Variants in PARD3 observed in about 807,000 individuals in gnomAD.
PARD3 encodes par-3 family cell polarity regulator.
Under a neutral mutation model 155.4 loss-of-function variants are expected in PARD3, and 75 were observed. That is an observed-to-expected ratio of 0.48 (90% CI 0.40 to 0.58). The LOEUF (loss-of-function observed/expected upper bound fraction) is 0.58, where lower values mean the gene tolerates loss of function less well. Among genes scored for constraint, PARD3 ranks in the 20% least tolerant of loss-of-function variants. The pLI is 0.00. For missense variants in PARD3, 1,642 were observed against 1,721.7 expected (o/e 0.95, Z 0.82); for synonymous variants, 576 against 610.5 (o/e 0.94, Z 0.83).
chr10:34,726,494 A>C (rs1050726383), intron 1 of PARD3, among the ~76,000 whole-genome samples: 1 of 152,194 alleles, frequency 6.6e-6, no homozygotes, highest in Non-Finnish European at 1.5e-5. Flanking sequence ...GCTGAGGCAG[A>C]ATCGCTCGAG....
chr10:34,543,735 G>A (rs974703097), intron 2 of PARD3, among the ~76,000 whole-genome samples: 109 of 152,290 alleles, frequency 7.2e-4, no homozygotes, highest in Non-Finnish European at 1.3e-4. Flanking sequence ...AAAGAAAAGT[G>A]GGTATGTGCA....
At chr10:34,264,314 C>A (rs11009704) in intron 22 of PARD3, among the ~76,000 whole-genome samples, 5,766 of 152,152 alleles carry the variant, frequency 0.038, 315 homozygotes, top group African/African-American at 0.12. Context: ...GTAGGTGAGG[C>A]GTATTCAATG....
At chr10:34,648,450 C>CT (rs1333946945) in intron 2 of PARD3, among the ~76,000 whole-genome samples, 1 of 152,008 alleles carries the variant, frequency 6.6e-6, no homozygotes, top group African/African-American at 2.4e-5. Flanking sequence ...TGGCCCCCAA[C>CT]TTTTTTTTGG....
intron 5 of PARD3, among the ~76,000 whole-genome samples, chr10:34,403,562 G>A (rs574073010): frequency 6.6e-5 from 10 of 152,286 alleles, no homozygotes; most frequent in Admixed American, 5.9e-4. Context: ...ATGAGAAGTA[G>A]AAACTAAGGG....
intron 3 of PARD3, among the ~76,000 whole-genome samples, chr10:34,497,048 T>C (rs2080342033): frequency 6.6e-6 from 1 of 152,150 alleles, no homozygotes; most frequent in African/African-American, 2.4e-5. Flanking sequence ...GAGCTGATAG[T>C]TGAGCTGTAT....
intron 5 of PARD3, among the ~76,000 whole-genome samples, chr10:34,421,775 T>C (rs889229389): frequency 1.4e-4 from 22 of 152,158 alleles, no homozygotes; most frequent in African/African-American, 4.8e-4. Context: ...CATATTTTAA[T>C]AGGCAGGGAA....
intron 1 of PARD3, among the ~76,000 whole-genome samples, chr10:34,785,948 T>C (rs2134205695): frequency 6.6e-6 from 1 of 152,312 alleles, no homozygotes; most frequent in African/African-American, 2.4e-5. Flanking sequence ...TTGATGTAGT[T>C]ACGTGTCATC....
At chr10:34,787,067 A>G (rs1841059928) in intron 1 of PARD3, among the ~76,000 whole-genome samples, 2 of 152,220 alleles carry the variant, frequency 1.3e-5, no homozygotes, top group African/African-American at 4.8e-5. Flanking sequence ...AAAAATCCCT[A>G]TGAATCTACT....
rs114892237 is a variant in PARD3, at chr10:34,467,084, T to A, written c.582+3001A>T. On this transcript the variant is annotated intron_variant, in intron 4 of 24. Coordinates refer to ENST00000374788, the MANE Select transcript of PARD3 (RefSeq NM_001184785.2). ...GGAAGTAAAAAGATTGCTGAATATT[T>A]AACAATTTTTAAGATAAATATTATA... is the stretch of plus-strand genomic sequence containing the variant. Among the ~76,000 whole-genome samples, 1,313 of 152,196 alleles carry A rather than the reference T, an allele frequency of 8.6e-3. 24 individuals carry two copies. Among genetic ancestry groups the A allele is most frequent in the African/African-American group, 0.03 (1,262 of 41,464 alleles).
intron 7 of PARD3, among the ~76,000 whole-genome samples, chr10:34,396,572 G>A (rs1420862950): frequency 6.6e-6 from 1 of 152,060 alleles, no homozygotes; most frequent in Non-Finnish European, 1.5e-5. Flanking sequence ...CTCTGACTTT[G>A]AAAATCTAAA....
At chr10:34,718,642 C>G (rs973583977) in intron 1 of PARD3, among the ~76,000 whole-genome samples, 1 of 151,800 alleles carries the variant, frequency 6.6e-6, no homozygotes, top group Non-Finnish European at 1.5e-5. Flanking sequence ...CTGGGCAACA[C>G]GACAAGACTC....
At chr10:34,340,923 A>G (rs2384210) in intron 16 of PARD3, among the ~76,000 whole-genome samples, 61,196 of 151,942 alleles carry the variant, frequency 0.4, 12,439 homozygotes, top group South Asian at 0.51. Context: ...AATACTTCAC[A>G]TGGTTTGTGT....
chr10:34,761,903 G>T (rs1403151929), intron 1 of PARD3, among the ~76,000 whole-genome samples: 3 of 152,062 alleles, frequency 2.0e-5, no homozygotes, highest in Non-Finnish European at 4.4e-5. Flanking sequence ...TAGAAAAAGT[G>T]CTTACACACA....
intron 23 of PARD3, 76 bp from the exon 24 acceptor site, chr10:34,119,816 G>A (rs1260284550): frequency 5.4e-5 from 70 of 1,292,820 alleles, no homozygotes; most frequent in Non-Finnish European, 6.8e-5. Context: ...ACTCCATTTC[G>A]ATTCTTATGA....
intron 2 of PARD3, among the ~76,000 whole-genome samples, chr10:34,575,404 T>C (rs915944835): frequency 3.3e-5 from 5 of 152,204 alleles, no homozygotes; most frequent in Admixed American, 1.3e-4. Context: ...GTAGGCTTTA[T>C]CTATTTTCCT....
intron 2 of PARD3, among the ~76,000 whole-genome samples, chr10:34,567,450 T>C (rs2134119618): frequency 6.6e-6 from 1 of 152,300 alleles, no homozygotes; most frequent in African/African-American, 2.4e-5. Context: ...ATTATAAACA[T>C]TTAAACCGCC....
chr10:34,757,968 G>A (rs1836965187), intron 1 of PARD3, among the ~76,000 whole-genome samples: 1 of 152,052 alleles, frequency 6.6e-6, no homozygotes, highest in African/African-American at 2.4e-5. Flanking sequence ...AAAATGTTTG[G>A]GCATATAATT....
intron 1 of PARD3, among the ~76,000 whole-genome samples, chr10:34,764,213 C>T (rs1837807717): frequency 6.6e-6 from 1 of 152,120 alleles, no homozygotes; most frequent in Non-Finnish European, 1.5e-5. Context: ...GTCTGCAAGA[C>T]CTTAAGGAAA....
intron 1 of PARD3, among the ~76,000 whole-genome samples, chr10:34,804,314 G>A (rs1236308788): frequency 1.3e-5 from 2 of 152,220 alleles, no homozygotes; most frequent in African/African-American, 4.8e-5. Context: ...TGGGATTACA[G>A]GCATGAGCCA....
Sources: allele counts gnomAD v4.1 joint callset (sites outside exome capture counted in the v4.1 genomes callset), GRCh38; gene constraint gnomAD v4.1.1; transcripts MANE v1.5; gene names NCBI Gene and HGNC (gene_info 2026-07-23, HGNC 2026-07-21).